CAMK1D: variants seen among roughly 807,000 people sequenced by gnomAD.
CAMK1D encodes calcium/calmodulin dependent protein kinase ID.
A neutral mutation model predicts 47.7 loss-of-function variants in CAMK1D; 9 were observed. That is an observed-to-expected ratio of 0.19 (90% confidence interval 0.11 to 0.33). The LOEUF (loss-of-function observed/expected upper bound fraction) is 0.33, where lower values mean the gene tolerates loss of function less well. Ranked by LOEUF, CAMK1D falls within the 10% of genes least tolerant of loss-of-function variation. The probability of loss-of-function intolerance (pLI) is 1.00; values close to 1 mark genes in which losing one functional copy is unlikely to be tolerated. For missense variants in CAMK1D, 291 were observed against 488.7 expected (o/e 0.60, Z 3.81); for synonymous variants, 184 against 184.9 (o/e 0.99, Z 0.04).
chr10:12,492,665 C>T (rs1001870832), intron 1 of CAMK1D, among the ~76,000 whole-genome samples: 26 of 152,150 alleles, frequency 1.7e-4, no homozygotes, highest in African/African-American at 6.0e-4. Context: ...CAAAAATGCA[C>T]GCACAGCCAC....
rs1194914770 is a variant in CAMK1D at position 12,833,938 on chromosome 10, AGAT to A, written c.*5053_*5055del. On this transcript the variant is annotated 3_prime_UTR_variant, in exon 11 of 11. Transcript: ENST00000619168. ...TGTTAAAAAAAAAAAAAAAAAAAAA[AGAT>A]GTATATACCTGTATGTGATCCACCA... The A allele has an allele frequency of 6.7e-6, 1 of 148,658 alleles. No homozygotes were observed. Among genetic ancestry groups the A allele is most frequent in the Non-Finnish European group, 1.5e-5 (1 of 67,156 alleles). 9.2% of individuals were successfully genotyped at this position (148,658 alleles called of 1,614,324 possible). A position where few individuals can be genotyped will look rare whatever the true frequency, so the allele number is the denominator to read the frequency against.
rs183866889 is a variant in CAMK1D, at chr10:12,388,656, C to T, written c.92+38746C>T. 2.0e-5 allele frequency among the ~76,000 whole-genome samples: 3 copies of T among 152,292 alleles called. No individual in the cohort carries two copies. In the East Asian group the frequency reaches 5.8e-4, roughly 29 times the overall value. ...GCAAAAACACATCGCACCTGACATG[C>T]GTTTCAAATTAATAAATTGTTAAAA... On this transcript the variant is annotated intron_variant, in intron 1 of 10. Coordinates refer to ENST00000619168, the MANE Select transcript of CAMK1D (RefSeq NM_153498.4).
At chr10:12,367,028 A>G (rs905786297) in intron 1 of CAMK1D, among the ~76,000 whole-genome samples, 1 of 152,148 alleles carries the variant, frequency 6.6e-6, no homozygotes, top group Non-Finnish European at 1.5e-5. Context: ...CCACTTCTAA[A>G]CACATCCCCA....
chr10:12,833,685 C>A lies in CAMK1D; in HGVS notation c.*4798C>A, dbSNP rs540321071. ...TGGATATGAGAAAGGAAGGCAAGTG[C>A]GGGCAAAGGGAAGCTCCTCCCGTTT... is the stretch of plus-strand genomic sequence containing the variant. On this transcript the variant is annotated 3_prime_UTR_variant, in exon 11 of 11. Coordinates refer to ENST00000619168, the MANE Select transcript of CAMK1D (RefSeq NM_153498.4). 2 of 152,186 alleles carry A rather than the reference C, an allele frequency of 1.3e-5. No homozygotes were observed. Among genetic ancestry groups the A allele is most frequent in the Non-Finnish European group, 2.9e-5 (2 of 68,036 alleles). 9.4% of individuals were successfully genotyped at this position (152,186 alleles called of 1,614,324 possible).
At chr10:12,439,858 C>G (rs555944808) in intron 1 of CAMK1D, among the ~76,000 whole-genome samples, 1 of 152,284 alleles carries the variant, frequency 6.6e-6, no homozygotes, top group Admixed American at 6.5e-5. Flanking sequence ...GGGGAGGCCT[C>G]ACAATCATGG....
intron 2 of CAMK1D, among the ~76,000 whole-genome samples, chr10:12,568,606 T>A (rs1837219583): frequency 6.9e-6 from 1 of 145,000 alleles, no homozygotes; most frequent in Non-Finnish European, 1.5e-5. Context: ...TTTTTCAGTA[T>A]TCTTTCTTTT....
intron 2 of CAMK1D, among the ~76,000 whole-genome samples, chr10:12,559,729 A>T (rs1184279846): frequency 1.3e-5 from 2 of 152,124 alleles, no homozygotes; most frequent in Admixed American, 1.3e-4. Context: ...AGGAGTGAGA[A>T]CCTCGCTTCT....
chr10:12,450,743 T>G (rs1455452840), intron 1 of CAMK1D, among the ~76,000 whole-genome samples: 1 of 152,238 alleles, frequency 6.6e-6, no homozygotes, highest in Admixed American at 6.5e-5. Flanking sequence ...GACAGCCCTT[T>G]GCATTTAGTT....
chr10:12,359,336 C>A (rs1452274358), intron 1 of CAMK1D, among the ~76,000 whole-genome samples: 2 of 152,162 alleles, frequency 1.3e-5, no homozygotes, highest in African/African-American at 4.8e-5. Flanking sequence ...CCTCAGAGGC[C>A]ATTTCCACAG....
chr10:12,770,456 T>A (rs771771585), intron 5 of CAMK1D, among the ~76,000 whole-genome samples: 1 of 152,222 alleles, frequency 6.6e-6, no homozygotes, highest in Non-Finnish European at 1.5e-5. Flanking sequence ...TCTGAGACCT[T>A]CATTGACATC....
chr10:12,512,328 C>T (rs1588572539), intron 1 of CAMK1D, among the ~76,000 whole-genome samples: 2 of 152,282 alleles, frequency 1.3e-5, no homozygotes, highest in Non-Finnish European at 2.9e-5. Flanking sequence ...GAAAACACTA[C>T]CTTACGTTGT....
chr10:12,460,020 C>T (rs1340318400), intron 1 of CAMK1D, among the ~76,000 whole-genome samples: 3 of 152,056 alleles, frequency 2.0e-5, no homozygotes, highest in African/African-American at 2.4e-5. Flanking sequence ...GACATGGAAC[C>T]GGCGTATTCA....
Position 12,761,084 on chromosome 10 carries a change from AAGGTG to A in CAMK1D, c.438+2_438+6del. ...AATGGGCATCGTCCACAGAGACCTC[AAGGTG>A]AGGCCATCGCTCAGCAGCATCCTGC... On this transcript the variant is annotated splice_donor_variant and splice_donor_region_variant and coding_sequence_variant and intron_variant, in exon 4 of 11. Coordinates refer to ENST00000619168, the MANE Select transcript of CAMK1D (RefSeq NM_153498.4). LOFTEE classifies it high-confidence loss of function. 6.2e-7 allele frequency: 1 copy of A among 1,613,666 alleles called. No individual in the cohort carries two copies. The highest frequency in any genetic ancestry group is 8.5e-7 in the Non-Finnish European group (1 of 1,179,658).
At chr10:12,640,232 G>A (rs1839628866) in intron 2 of CAMK1D, among the ~76,000 whole-genome samples, 1 of 152,140 alleles carries the variant, frequency 6.6e-6, no homozygotes, top group Non-Finnish European at 1.5e-5. Context: ...CTGGCAGCTT[G>A]CCCCCACCCC....
At chr10:12,622,561 T>A (rs1199481004) in intron 2 of CAMK1D, among the ~76,000 whole-genome samples, 1 of 151,982 alleles carries the variant, frequency 6.6e-6, no homozygotes, top group Non-Finnish European at 1.5e-5. Flanking sequence ...GTCCAGAGTT[T>A]TCAGTTATAC....
chr10:12,540,922 GTT>G lies in CAMK1D; in HGVS notation c.93-12287_93-12286del, dbSNP rs200320640. 2.4e-3 allele frequency among the ~76,000 whole-genome samples: 343 copies of G among 144,982 alleles called. 3 individuals are homozygous for G. The highest frequency in any genetic ancestry group is 9.1e-3 in the East Asian group (46 of 5,036). ...CAGTTAATGAGAACCTGAGTTATAG[GTT>G]TTTTTTTTTTTTTTTAAGAAAAAGA... On this transcript the variant is annotated intron_variant, in intron 1 of 10. Coordinates refer to ENST00000619168, the MANE Select transcript of CAMK1D (RefSeq NM_153498.4).
intron 3 of CAMK1D, among the ~76,000 whole-genome samples, chr10:12,671,605 G>GTATA (rs916520885): frequency 9.4e-5 from 14 of 148,378 alleles, no homozygotes; most frequent in African/African-American, 3.0e-4. Flanking sequence ...TTGGAGATAT[G>GTATA]TATATATATA....
intron 1 of CAMK1D, among the ~76,000 whole-genome samples, chr10:12,505,953 G>C (rs1037213073): frequency 5.9e-5 from 9 of 152,180 alleles, no homozygotes; most frequent in African/African-American, 2.2e-4. Context: ...TTTTGAATGA[G>C]AGTCATAGAT....
chr10:12,765,993 T>G lies in CAMK1D; in HGVS notation c.439-3680T>G, dbSNP rs189501952. On this transcript the variant is annotated intron_variant, in intron 4 of 10. Coordinates refer to ENST00000619168, the MANE Select transcript of CAMK1D (RefSeq NM_153498.4). ...TTTTTTTTTTTTTTTGAGACAGAGT[T>G]TCGCTCTTGTTGCCCAGACTGGAGT... is the stretch of plus-strand genomic sequence containing the variant. 4.5e-3 allele frequency among the ~76,000 whole-genome samples: 656 copies of G among 144,770 alleles called. 5 individuals carry two copies. Among genetic ancestry groups the G allele is most frequent in the South Asian group, 0.017 (77 of 4,464 alleles). 95.0% of individuals were successfully genotyped at this position (144,770 alleles called of 152,430 possible). A position where few individuals can be genotyped will look rare whatever the true frequency, so the allele number is the denominator to read the frequency against.
Sources: gnomAD v4.1 joint callset for allele counts (sites outside exome capture counted in the v4.1 genomes callset) on GRCh38, gnomAD v4.1.1 for gene constraint, MANE v1.5 for transcripts, NCBI Gene and HGNC (gene_info 2026-07-23, HGNC 2026-07-21) for gene names.